The following HYCC2 variants were observed in gnomAD, a reference collection of about 807,000 sequenced individuals.
HYCC2 encodes the protein hyccin 2.
chr2:201,032,191 A>G, the HYCC2 span, among the ~76,000 whole-genome samples: 395 of 152,192 alleles, frequency 2.6e-3, 1 homozygote, highest in Non-Finnish European at 3.2e-3. Context: ...CGAACTCCTG[A>G]CTTCAAGTGA....
chr2:201,040,531 C>T, the HYCC2 span, among the ~76,000 whole-genome samples: 3 of 151,540 alleles, frequency 2.0e-5, no homozygotes, highest in Non-Finnish European at 4.4e-5. Flanking sequence ...CTCTGTTGCC[C>T]AGGCTGGAGT....
chr2:201,011,561 T>C, the HYCC2 span: 2 of 703,354 alleles, frequency 2.8e-6, no homozygotes, highest in Non-Finnish European at 4.4e-6. Context: ...AATATATGAT[T>C]GGCAGTAGGA....
the HYCC2 span, chr2:200,981,414 A>G: frequency 6.2e-7 from 1 of 1,614,130 alleles, no homozygotes; most frequent in South Asian, 1.1e-5. This position sits in a 1 kb window ranked among gnomAD's most constrained non-coding sequence, Gnocchi z 4.5. Flanking sequence ...ATCGATTAGC[A>G]TTGTTGGCTG....
the HYCC2 span, among the ~76,000 whole-genome samples, chr2:200,983,114 A>G: frequency 1.3e-5 from 2 of 152,344 alleles, no homozygotes; most frequent in Admixed American, 1.3e-4. Flanking sequence ...TATATAATAT[A>G]CTGAGCTTGC....
chr2:201,002,425 G>T, the HYCC2 span, among the ~76,000 whole-genome samples: 1 of 152,112 alleles, frequency 6.6e-6, no homozygotes, highest in Non-Finnish European at 1.5e-5. Context: ...TTGGGAGTTA[G>T]TAGGAGGAAA....
the HYCC2 span, among the ~76,000 whole-genome samples, chr2:201,039,719 AACTG>A: frequency 6.6e-6 from 1 of 152,208 alleles, no homozygotes; most frequent in Non-Finnish European, 1.5e-5. Context: ...AATACCAACT[AACTG>A]AATAAAAGAA....
the HYCC2 span, among the ~76,000 whole-genome samples, chr2:201,006,130 C>CTT: frequency 6.2e-3 from 735 of 118,346 alleles, 5 homozygotes; most frequent in Middle Eastern, 0.028. Context: ...TCGCGCCTGG[C>CTT]TTTTTTTTTT....
the HYCC2 span, chr2:200,996,028 CTT>C: frequency 6.4e-4 from 74 of 115,464 alleles, no homozygotes; most frequent in Non-Finnish European, 9.3e-4. Flanking sequence ...TTTCTTTTTT[CTT>C]TTTTTTTTTT....
At chr2:201,069,581 C>CAA in the HYCC2 span, among the ~76,000 whole-genome samples, 1 of 135,910 alleles carries the variant, frequency 7.4e-6, no homozygotes, top group African/African-American at 2.9e-5. Context: ...CACACACACA[C>CAA]ACACACACGC....
the HYCC2 span, among the ~76,000 whole-genome samples, chr2:201,041,339 G>A: frequency 6.6e-6 from 1 of 152,210 alleles, no homozygotes; most frequent in African/African-American, 2.4e-5. Flanking sequence ...TCTGGTCCCT[G>A]TCTTATGGTT....
At chr2:200,981,258 A>C in the HYCC2 span, 1 of 1,609,222 alleles carries the variant, frequency 6.2e-7, no homozygotes, top group Non-Finnish European at 8.5e-7. This position sits in a 1 kb window ranked among gnomAD's most constrained non-coding sequence, Gnocchi z 4.5. Flanking sequence ...AAGATGAGGG[A>C]GGATGTCAAA....
chr2:201,002,298 G>T, the HYCC2 span, among the ~76,000 whole-genome samples: 3 of 148,146 alleles, frequency 2.0e-5, no homozygotes, highest in East Asian at 5.9e-4. Flanking sequence ...AAAAAAAAAG[G>T]ACAAAGGACA....
the HYCC2 span, among the ~76,000 whole-genome samples, chr2:201,018,124 T>C: frequency 2.0e-5 from 3 of 152,130 alleles, no homozygotes; most frequent in Non-Finnish European, 4.4e-5. Flanking sequence ...GGCTAATTTT[T>C]CATACGATAT....
chr2:201,038,456 C>A, the HYCC2 span, among the ~76,000 whole-genome samples: 8 of 152,080 alleles, frequency 5.3e-5, no homozygotes, highest in South Asian at 2.1e-4. Context: ...ATGTTTACTG[C>A]GGCACTATTC....
At chr2:201,033,855 A>T in the HYCC2 span, among the ~76,000 whole-genome samples, 1 of 152,156 alleles carries the variant, frequency 6.6e-6, no homozygotes, top group Admixed American at 6.5e-5. Context: ...AATACTTTTT[A>T]AAAAGCAACA....
At chr2:201,042,642 C>T in the HYCC2 span, among the ~76,000 whole-genome samples, 2 of 151,508 alleles carry the variant, frequency 1.3e-5, no homozygotes, top group Non-Finnish European at 2.9e-5. Context: ...GCCTGGCAGC[C>T]GCCCCATCCG....
chr2:201,029,527 C>T, the HYCC2 span, among the ~76,000 whole-genome samples: 113 of 152,270 alleles, frequency 7.4e-4, no homozygotes, highest in Admixed American at 1.2e-3. Context: ...TTGGAACCAA[C>T]CCAAATGTCC....
At chr2:200,977,168 C>T in the HYCC2 span, 18 of 152,178 alleles carry the variant, frequency 1.2e-4, no homozygotes, top group African/African-American at 4.3e-4. Context: ...GATTACTCTA[C>T]ATTTTTTCTG....
At chr2:201,069,579 C>CAA in the HYCC2 span, among the ~76,000 whole-genome samples, 328 of 142,468 alleles carry the variant, frequency 2.3e-3, no homozygotes, top group African/African-American at 6.9e-3. Context: ...CACACACACA[C>CAA]ACACACACAC....
Sources: allele counts gnomAD v4.1 joint callset (sites outside exome capture counted in the v4.1 genomes callset), GRCh38; gene constraint gnomAD v4.1.1; non-coding constraint Gnocchi (gnomAD v3.1); transcripts MANE v1.5; gene names NCBI Gene and HGNC (gene_info 2026-07-23, HGNC 2026-07-21).